Variants in PCDHA5 observed in about 807,000 individuals in gnomAD.
The protein encoded by PCDHA5 is protocadherin alpha 5.
Under a neutral mutation model 61.6 loss-of-function variants are expected in PCDHA5, and 43 were observed. That is an observed-to-expected ratio of 0.70 (90% CI 0.55 to 0.90). The LOEUF is 0.90. Among genes scored for constraint, PCDHA5 ranks in the 40% least tolerant of loss-of-function variants. The pLI, the probability that PCDHA5 is intolerant of heterozygous loss-of-function variation, is 0.00. For synonymous variants in PCDHA5, 627 were observed against 543.9 expected, an observed-to-expected ratio of 1.15 and a Z score of -2.13; for missense variants, 1,298 against 1,222.7, an observed-to-expected ratio of 1.06 and a Z score of -0.92.
intron 1 of PCDHA5, among the ~76,000 whole-genome samples, chr5:140,942,587 CAT>C (rs2093330311): frequency 6.7e-6 from 1 of 148,732 alleles, no homozygotes; most frequent in East Asian, 2.0e-4. Flanking sequence ...TAGGATGTCA[CAT>C]ATAATTATAG....
intron 1 of PCDHA5, among the ~76,000 whole-genome samples, chr5:140,887,968 T>C (rs1434403033): frequency 6.6e-6 from 1 of 152,242 alleles, no homozygotes; most frequent in Non-Finnish European, 1.5e-5. Context: ...TTTGTCTCTT[T>C]TAAAATTTAT....
chr5:140,887,357 A>T (rs112910602), intron 1 of PCDHA5, among the ~76,000 whole-genome samples: 12,309 of 152,126 alleles, frequency 0.081, 539 homozygotes, highest in Middle Eastern at 0.13. Context: ...CGGCCTCCCA[A>T]AGTGCTGGGA....
chr5:140,835,557 C>T, intron 1 of PCDHA5: 2 of 1,613,936 alleles, frequency 1.2e-6, no homozygotes, highest in Admixed American at 1.7e-5. Context: ...CCTGACGCCC[C>T]GCGTTCCCTT....
At chr5:140,949,944 T>TTTAGTGG (rs2094435490) in intron 1 of PCDHA5, among the ~76,000 whole-genome samples, 1 of 151,908 alleles carries the variant, frequency 6.6e-6, no homozygotes, top group South Asian at 2.1e-4. Context: ...ATTTGCATTT[T>TTTAGTGG]TTAGTGGTTG....
Position 140,821,856 on chromosome 5 carries a change from C to G in PCDHA5, c.81C>G (p.Ser27Arg). ...WLLLAYWKAG[S>R]GQLHYSIPEE... ...TCCTTGCCTACTGGAAGGCAGGGAG[C>G]GGCCAGCTCCACTACTCGATCCCGG... The change falls in exon 1 of 4, where the codon AGC (serine) becomes AGG (arginine). Residue 27 changes from serine (S) to arginine (R), a missense_variant. Coordinates refer to ENST00000529859, the MANE Select transcript of PCDHA5 (RefSeq NM_018908.3). 6.2e-7 allele frequency: 1 copy of G among 1,614,160 alleles called. No individual in the cohort carries two copies. Among genetic ancestry groups the G allele is most frequent in the East Asian group, 2.2e-5 (1 of 44,886 alleles).
At position 140,851,093 on chromosome 5, in the gene PCDHA5, T is replaced by C. The variant is rs1043292821; in HGVS notation, c.2352+26966T>C. On this transcript the variant is annotated intron_variant, in intron 1 of 3. Coordinates refer to ENST00000529859, the MANE Select transcript of PCDHA5 (RefSeq NM_018908.3). Reference sequence around the variant, plus strand: ...AATTATAAACTGTATATTAAATAGATATTTTTTGGGTGCTGAATCAATTTT... The same window carrying C: ...AATTATAAACTGTATATTAAATAGACATTTTTTGGGTGCTGAATCAATTTT... 2 of 1,294,092 alleles carry C rather than the reference T, an allele frequency of 1.5e-6. 1 individual carries two copies. The highest frequency in any genetic ancestry group is 2.0e-6 in the Non-Finnish European group (2 of 996,006). The allele number at this position is 1,294,092 out of a possible 1,614,324, so 80.2% of individuals were successfully genotyped here.
At chr5:140,973,324 C>T (rs1261856526) in intron 1 of PCDHA5, among the ~76,000 whole-genome samples, 4 of 152,174 alleles carry the variant, frequency 2.6e-5, no homozygotes, top group Admixed American at 1.3e-4. Context: ...ACAGAGTTTA[C>T]ACTCGTTGTA....
At chr5:140,966,777 C>T (rs1554228636) in intron 1 of PCDHA5, 2 of 1,510,822 alleles carry the variant, frequency 1.3e-6, no homozygotes, top group Non-Finnish European at 1.8e-6. Context: ...ATGGAGCAGG[C>T]GGGCACCAGA....
intron 1 of PCDHA5, chr5:140,870,040 A>G: frequency 1.2e-6 from 2 of 1,613,768 alleles, no homozygotes; most frequent in Non-Finnish European, 1.7e-6. Flanking sequence ...TGAAGAAAAC[A>G]AGTTTTATAA....
At chr5:140,843,318 T>C (rs2150190993) in intron 1 of PCDHA5, 3 of 1,596,010 alleles carry the variant, frequency 1.9e-6, no homozygotes, top group East Asian at 2.2e-5. Flanking sequence ...GCCACGGTTC[T>C]GGTGTCGCTG....
At chr5:140,856,822 A>G (rs1554149161) in intron 1 of PCDHA5, 4 of 1,593,030 alleles carry the variant, frequency 2.5e-6, no homozygotes, top group Non-Finnish European at 1.7e-6. Flanking sequence ...TGAACCAAAC[A>G]TTAGTAATAC....
intron 1 of PCDHA5, chr5:140,862,531 C>T (rs782753899): frequency 4.6e-6 from 2 of 431,454 alleles, no homozygotes; most frequent in Non-Finnish European, 9.4e-6. Flanking sequence ...CCACAGCCAT[C>T]GGGTCCGTGG....
intron 1 of PCDHA5, chr5:140,870,584 T>A (rs782563992): frequency 1.1e-5 from 18 of 1,613,672 alleles, no homozygotes; most frequent in Non-Finnish European, 1.3e-5. Flanking sequence ...TACTCGCTGG[T>A]GGAGCGGCGG....
Position 141,009,658 on chromosome 5 carries a change from C to T in PCDHA5, c.2532C>T (p.Val844=), listed in dbSNP as rs571898721. The T allele has an allele frequency of 6.2e-6, 10 of 1,613,948 alleles. No individual in the cohort carries two copies. Among genetic ancestry groups the T allele is most frequent in the South Asian group, 4.4e-5 (4 of 91,030 alleles). The change falls in exon 4 of 4, where the codon GTC becomes GTT. Residue 844 remains valine, a synonymous_variant. Transcript: ENST00000529859. ...EPEAGEVSPP[V]GAGVNSNSWT... ...AGGCAGGAGAAGTGTCCCCTCCAGT[C>T]GGTGCGGGTGTCAACAGCAACAGCT...
chr5:140,830,221 G>T (rs2150182953), intron 1 of PCDHA5: 1 of 1,613,892 alleles, frequency 6.2e-7, no homozygotes, highest in South Asian at 1.1e-5. Flanking sequence ...TATCCAGCCT[G>T]CTGGTCCTCA....
rs1367500775 is a variant in PCDHA5, at chr5:140,929,192, A to G, written c.2353-49757A>G. ...TCTCTGGGACTTGGTTCTGATAATA[A>G]CAGTTTGCTGTTGCGTGGGGAGTAC... On this transcript the variant is annotated intron_variant, in intron 1 of 3. Transcript: ENST00000529859. The G allele has an allele frequency of 8.1e-6, 13 of 1,614,124 alleles. 1 individual carries two copies. The highest frequency in any genetic ancestry group is 1.0e-5 in the Non-Finnish European group (12 of 1,180,018).
rs189065461 is a variant in PCDHA5, at chr5:140,869,908, C to A, written c.2352+45781C>A. ...TGTGCTCAAACTAAACGCCACAGACCGAGACGAAGGAGTCAATGGAGAGGT... is the reference window on the plus strand; with the variant it reads ...TGTGCTCAAACTAAACGCCACAGACAGAGACGAAGGAGTCAATGGAGAGGT... On this transcript the variant is annotated intron_variant, in intron 1 of 3. Coordinates refer to ENST00000529859, the MANE Select transcript of PCDHA5 (RefSeq NM_018908.3). 6.2e-6 allele frequency: 10 copies of A among 1,610,646 alleles called. No homozygotes were observed. In the Admixed American group the frequency reaches 6.7e-5, roughly 11 times the overall value.
intron 1 of PCDHA5, among the ~76,000 whole-genome samples, chr5:140,975,553 G>A (rs990389718): frequency 6.6e-6 from 1 of 152,226 alleles, no homozygotes; most frequent in Non-Finnish European, 1.5e-5. Flanking sequence ...TATTAGGAAG[G>A]AAAAGGAGAT....
At chr5:140,968,881 C>A in intron 1 of PCDHA5, 1 of 1,614,154 alleles carries the variant, frequency 6.2e-7, no homozygotes, top group Non-Finnish European at 8.5e-7. Context: ...CTGAAATTAC[C>A]CTTTATCTAA....
Sources: gnomAD v4.1 joint callset for allele counts (sites outside exome capture counted in the v4.1 genomes callset) on GRCh38, gnomAD v4.1.1 for gene constraint, MANE v1.5 for transcripts, NCBI Gene and HGNC (gene_info 2026-07-23, HGNC 2026-07-21) for gene names.